Variants in PGAP4 observed in about 807,000 individuals in gnomAD.
PGAP4 encodes GPI-N-acetylgalactosamine transferase PGAP4.
A neutral mutation model predicts 28.2 loss-of-function variants in PGAP4; 12 were observed. The ratio of observed to expected loss-of-function variants is 0.42; its 90% CI spans 0.27 to 0.69. PGAP4 has a LOEUF of 0.69. Among genes scored for constraint, PGAP4 ranks in the 30% least tolerant of loss-of-function variants. The pLI is 0.22. For synonymous variants in PGAP4, 205 were observed against 211.8 expected, an observed-to-expected ratio of 0.97 and a Z score of 0.28; for missense variants, 425 against 513.5, an observed-to-expected ratio of 0.83 and a Z score of 1.67.
At chr9:101,532,721 T>G (rs1827113220) in exon 1 of PGAP4, 1 of 152,190 alleles carries the variant, frequency 6.6e-6, no homozygotes, top group African/African-American at 2.4e-5. Context: ...TGAAGTCCAC[T>G]TGGGGCCAGT....
chr9:101,485,473 A>C (rs568448653), intron 1 of PGAP4, among the ~76,000 whole-genome samples: 1 of 152,336 alleles, frequency 6.6e-6, no homozygotes, highest in Non-Finnish European at 1.5e-5. Context: ...CACGTGACAA[A>C]GAATTACTAC....
intron 2 of PGAP4, among the ~76,000 whole-genome samples, chr9:101,497,519 A>G (rs1042815166): frequency 2.6e-5 from 4 of 151,630 alleles, no homozygotes; most frequent in African/African-American, 9.7e-5. Context: ...TAATAGTTTC[A>G]TAACTCTCAT....
chr9:101,476,079 G>C lies in PGAP4; in HGVS notation c.1014C>G (p.Leu338=). 6.2e-7 allele frequency: 1 copy of C among 1,614,190 alleles called. No individual in the cohort carries two copies. The highest frequency in any genetic ancestry group is 8.5e-7 in the Non-Finnish European group (1 of 1,180,038). Residue 338 remains leucine, a synonymous_variant, in exon 2 of 2, where the codon CTC becomes CTG. Transcript: ENST00000374848. The surrounding 1 kb of genome is among the most constrained non-coding windows in gnomAD (Gnocchi z 7.0). The part of the protein sequence containing the change: ...PASQCCTPAM[L]FPAPAARRTL... Reference sequence around the variant, plus strand: ...TCCGGCGGGCCGCAGGTGCCGGGAAGAGCATGGCTGGGGTGCAACACTGAG... The same window carrying C: ...TCCGGCGGGCCGCAGGTGCCGGGAACAGCATGGCTGGGGTGCAACACTGAG...
At chr9:101,478,728 G>C (rs1826397280) in intron 1 of PGAP4, among the ~76,000 whole-genome samples, 1 of 152,220 alleles carries the variant, frequency 6.6e-6, no homozygotes, top group African/African-American at 2.4e-5. Context: ...CCAGATGGCA[G>C]AAGCCTGGGT....
chr9:101,496,085 T>C (rs1427180864), intron 2 of PGAP4, among the ~76,000 whole-genome samples: 1 of 151,516 alleles, frequency 6.6e-6, no homozygotes, highest in Non-Finnish European at 1.5e-5. Context: ...AAGTTTTGGT[T>C]ATATGGAACA....
chr9:101,492,825 T>G (rs1364638926), intron 2 of PGAP4, among the ~76,000 whole-genome samples: 1 of 152,140 alleles, frequency 6.6e-6, no homozygotes, highest in Non-Finnish European at 1.5e-5. Context: ...ATTCTCTCTG[T>G]CTTTTTGCTT....
At chr9:101,496,695 TA>T (rs1446111544) in intron 2 of PGAP4, among the ~76,000 whole-genome samples, 1 of 151,278 alleles carries the variant, frequency 6.6e-6, no homozygotes, top group Non-Finnish European at 1.5e-5. Flanking sequence ...ACATGTTCTT[TA>T]AAAAAACCAA....
rs1826235933 is a variant in PGAP4 at position 101,474,308 on chromosome 9, A to G, written c.*1573T>C. ...GTGGGTCTCAAGATGGAAGCTCACT[A>G]TGGGAATTTAAAAGCAAACTGTGGC... is the stretch of plus-strand genomic sequence containing the variant. On this transcript the variant is annotated 3_prime_UTR_variant, in exon 2 of 2. Coordinates refer to ENST00000374848, the MANE Select transcript of PGAP4 (RefSeq NM_032342.3). The G allele has an allele frequency of 6.6e-6, 1 of 152,206 alleles. No homozygotes were observed. Among genetic ancestry groups the G allele is most frequent in the African/African-American group, 2.4e-5 (1 of 41,442 alleles). 9.4% of individuals were successfully genotyped at this position (152,206 alleles called of 1,614,324 possible).
chr9:101,476,806 G>A lies in PGAP4; in HGVS notation c.287C>T (p.Ala96Val). 2.5e-6 allele frequency: 4 copies of A among 1,610,910 alleles called. No homozygotes were observed. Among genetic ancestry groups the A allele is most frequent in the Non-Finnish European group, 3.4e-6 (4 of 1,178,224 alleles). ...ANGSVPIVWQ[A>V]TPRPWLVITI... The stretch of plus-strand genomic sequence containing the variant: ...GATCACCAGCCAGGGCCGGGGGGTG[G>A]CCTGCCAGACAATGGGCACTGAGCC... Residue 96 changes from alanine (A) to valine (V), a missense_variant, in exon 2 of 2, where the codon GCC becomes GTC. Coordinates refer to ENST00000374848, the MANE Select transcript of PGAP4 (RefSeq NM_032342.3). This position sits in a 1 kb window ranked among gnomAD's most constrained non-coding sequence, Gnocchi z 7.0.
In PGAP4 at chr9:101,527,124, G is replaced by A. The variant is rs539862994; in HGVS notation, c.-165+4224C>T. Among the ~76,000 whole-genome samples, 69 of 152,348 alleles carry A rather than the reference G, an allele frequency of 4.5e-4. No homozygotes were observed. The South Asian group carries it at 0.014, about 30-fold the overall frequency. ...ACAGTGAGAAGAGAGAGTCGGCTGAGTGCTACAAGTATCACAGGGTTGACG... is the reference window on the plus strand; with the variant it reads ...ACAGTGAGAAGAGAGAGTCGGCTGAATGCTACAAGTATCACAGGGTTGACG... On this transcript the variant is annotated intron_variant, in intron 2 of 3. Coordinates refer to the PGAP4 transcript ENST00000374851.
Position 101,529,451 on chromosome 9 carries a change from G to A in PGAP4, c.-165+1897C>T, listed in dbSNP as rs370767424. On this transcript the variant is annotated intron_variant, in intron 2 of 3. Coordinates refer to the PGAP4 transcript ENST00000374851. ...ATTACAGGCATAAGCCACCGCGCCC[G>A]GCCTTCTCTCAGCTTTTTAAGAGAG... Among the ~76,000 whole-genome samples, 74 of 152,260 alleles carry A rather than the reference G, an allele frequency of 4.9e-4. 1 individual carries two copies. The South Asian group carries it at 0.015, about 30-fold the overall frequency.
intron 2 of PGAP4, among the ~76,000 whole-genome samples, chr9:101,505,922 T>C (rs991442233): frequency 3.9e-5 from 6 of 152,122 alleles, no homozygotes; most frequent in African/African-American, 1.2e-4. Flanking sequence ...TAGAATAAGA[T>C]AAAAAACAAA....
At chr9:101,492,982 C>T (rs1826704629) in intron 2 of PGAP4, among the ~76,000 whole-genome samples, 2 of 152,034 alleles carry the variant, frequency 1.3e-5, no homozygotes. Flanking sequence ...AGGCTGGGCA[C>T]AGTGGCTCAC....
At chr9:101,498,060 G>C (rs1222185656) in intron 2 of PGAP4, among the ~76,000 whole-genome samples, 1 of 151,762 alleles carries the variant, frequency 6.6e-6, no homozygotes, top group Non-Finnish European at 1.5e-5. Context: ...AGGTAAGACT[G>C]TGGACCAAAA....
intron 2 of PGAP4, among the ~76,000 whole-genome samples, chr9:101,493,513 T>C (rs1826710752): frequency 6.6e-6 from 1 of 152,138 alleles, no homozygotes; most frequent in Non-Finnish European, 1.5e-5. Context: ...GTTTAACTAA[T>C]AGATACTAAA....
intron 2 of PGAP4, among the ~76,000 whole-genome samples, chr9:101,523,607 C>T (rs1827006628): frequency 1.0e-5 from 1 of 98,552 alleles, no homozygotes; most frequent in Admixed American, 1.0e-4. Context: ...TTTCTCCCCT[C>T]ACTTCTTGTA....
At chr9:101,497,563 A>G (rs1035642836) in intron 2 of PGAP4, among the ~76,000 whole-genome samples, 4 of 151,642 alleles carry the variant, frequency 2.6e-5, no homozygotes, top group African/African-American at 9.7e-5. Flanking sequence ...ATATAAACAT[A>G]TATGTGTGTG....
chr9:101,529,683 GAGA>G (rs1270227757), intron 2 of PGAP4, among the ~76,000 whole-genome samples: 3 of 152,198 alleles, frequency 2.0e-5, no homozygotes, highest in African/African-American at 2.4e-5. Flanking sequence ...GTGATCTGGG[GAGA>G]AGGAGGCAGG....
At chr9:101,532,022 C>A (rs766336635) in intron 1 of PGAP4, among the ~76,000 whole-genome samples, 33 of 152,232 alleles carry the variant, frequency 2.2e-4, no homozygotes, top group Non-Finnish European at 4.4e-4. Context: ...GTAATCTCAG[C>A]ACTTTGGGAG....
Sources: gnomAD v4.1 joint callset for allele counts (sites outside exome capture counted in the v4.1 genomes callset) on GRCh38, gnomAD v4.1.1 for gene constraint, Gnocchi (gnomAD v3.1) non-coding constraint, MANE v1.5 for transcripts, NCBI Gene and HGNC (gene_info 2026-07-23, HGNC 2026-07-21) for gene names.